Variants in MAPRE2 observed in about 807,000 individuals in gnomAD.
MAPRE2 encodes the protein microtubule associated protein RP/EB family member 2, also known as microtubule-associated protein RP/EB family member 2.
Under a neutral mutation model 43.2 loss-of-function variants are expected in MAPRE2, and 13 were observed. The observed-to-expected ratio is 0.30, with a 90% CI of 0.20 to 0.48. The LOEUF (loss-of-function observed/expected upper bound fraction) is 0.48. MAPRE2 is among the 20% of genes least tolerant of loss of function. The pLI, the probability that MAPRE2 is intolerant of heterozygous loss-of-function variation, is 0.99. For synonymous variants in MAPRE2, 135 were observed against 148.8 expected, an observed-to-expected ratio of 0.91 and a Z score of 0.68; for missense variants, 161 against 400.2, an observed-to-expected ratio of 0.40 and a Z score of 5.10.
intron 1 of MAPRE2, among the ~76,000 whole-genome samples, chr18:35,057,346 G>A (rs1047885957): frequency 6.6e-6 from 1 of 152,064 alleles, no homozygotes; most frequent in East Asian, 1.9e-4. Flanking sequence ...TTCAAACATG[G>A]CACAATTTTT....
At chr18:35,013,029 T>A (rs1220949543) in intron 2 of MAPRE2, among the ~76,000 whole-genome samples, 1 of 152,034 alleles carries the variant, frequency 6.6e-6, no homozygotes, top group Non-Finnish European at 1.5e-5. Flanking sequence ...AATAGCAGGG[T>A]CAGGAAATCC....
At chr18:35,079,033 A>C (rs1603398627) in intron 2 of MAPRE2, among the ~76,000 whole-genome samples, 1 of 152,134 alleles carries the variant, frequency 6.6e-6, no homozygotes, top group Non-Finnish European at 1.5e-5. Flanking sequence ...AAATTTTGCC[A>C]CCTGCCATGG....
At chr18:34,989,529 G>A (rs1265145862) in intron 1 of MAPRE2, among the ~76,000 whole-genome samples, 2 of 152,142 alleles carry the variant, frequency 1.3e-5, no homozygotes, top group Admixed American at 6.6e-5. Flanking sequence ...GGGCAACATA[G>A]TGAGACCCTA....
At position 35,141,522 on chromosome 18, in the gene MAPRE2, G is replaced by A. The variant is rs1037400361; in HGVS notation, c.*1153G>A. ...AAAGAATTTTCCCTCTTTAACACAA[G>A]GGCCCTCCTTGTCATTGACCTTAGC... On this transcript the variant is annotated 3_prime_UTR_variant, in exon 7 of 7. Transcript: ENST00000300249. 4 of 152,134 alleles carry A rather than the reference G, an allele frequency of 2.6e-5. No individual in the cohort carries two copies. The highest frequency in any genetic ancestry group is 4.8e-5 in the African/African-American group (2 of 41,428). The allele number at this position is 152,134 out of a possible 1,614,324, so 9.4% of individuals were successfully genotyped here. A position where few individuals can be genotyped will look rare whatever the true frequency, so the allele number is the denominator to read the frequency against.
chr18:34,986,657 A>T (rs961777969), intron 1 of MAPRE2, among the ~76,000 whole-genome samples: 1 of 152,154 alleles, frequency 6.6e-6, no homozygotes, highest in African/African-American at 2.4e-5. Flanking sequence ...ATCCAGAAGC[A>T]ATTCCCTCTA....
intron 6 of MAPRE2, among the ~76,000 whole-genome samples, chr18:35,133,346 G>A (rs555861384): frequency 1.3e-5 from 2 of 152,026 alleles, no homozygotes; most frequent in Non-Finnish European, 2.9e-5. Flanking sequence ...AATCCACCTG[G>A]TTTCCATGAT....
chr18:35,133,295 T>G (rs1910245226), intron 6 of MAPRE2, among the ~76,000 whole-genome samples: 1 of 152,174 alleles, frequency 6.6e-6, no homozygotes, highest in African/African-American at 2.4e-5. Context: ...TGATTTAAAT[T>G]ATTTATTGGT....
At chr18:34,979,968 T>C (rs2097015194) in intron 1 of MAPRE2, among the ~76,000 whole-genome samples, 1 of 152,004 alleles carries the variant, frequency 6.6e-6, no homozygotes, top group African/African-American at 2.4e-5. Context: ...CTCTGCACTG[T>C]TGTCTAAATG....
chr18:35,097,314 T>G, intron 2 of MAPRE2, 132 bp from the exon 3 acceptor site: 1 of 761,894 alleles, frequency 1.3e-6, no homozygotes, highest in South Asian at 2.0e-5. Flanking sequence ...TATAAGCGCA[T>G]TGGTAAGAAG....
intron 1 of MAPRE2, among the ~76,000 whole-genome samples, chr18:34,981,814 T>G (rs1351814868): frequency 6.6e-6 from 1 of 152,150 alleles, no homozygotes; most frequent in African/African-American, 2.4e-5. Flanking sequence ...TCCTTTCTCC[T>G]TAAAAAGTAG....
chr18:34,980,023 CTTTTTTTCT>C (rs1213134516), intron 1 of MAPRE2, among the ~76,000 whole-genome samples: 5 of 132,500 alleles, frequency 3.8e-5, no homozygotes, highest in African/African-American at 1.5e-4. Context: ...TTTTCTTTTT[CTTTTTTTCT>C]TTTTTTTTTT....
intron 1 of MAPRE2, among the ~76,000 whole-genome samples, chr18:34,992,662 A>G (rs1477826007): frequency 6.6e-6 from 1 of 152,242 alleles, no homozygotes; most frequent in East Asian, 1.9e-4. Flanking sequence ...CATAAATTAC[A>G]TTTTAAACGT....
At chr18:35,055,537 C>CTCTCTGTGTGTG (rs1555914066) in intron 1 of MAPRE2, among the ~76,000 whole-genome samples, 1 of 146,594 alleles carries the variant, frequency 6.8e-6, no homozygotes, top group Admixed American at 6.7e-5. Flanking sequence ...ATTCAGTTCT[C>CTCTCTGTGTGTG]TGTGTGTGTG....
At chr18:34,992,410 T>C (rs527713166) in intron 1 of MAPRE2, among the ~76,000 whole-genome samples, 2 of 152,226 alleles carry the variant, frequency 1.3e-5, no homozygotes, top group Non-Finnish European at 2.9e-5. Context: ...TAAGTTAATT[T>C]GAACTGATTG....
chr18:35,112,772 G>A (rs1291324847), intron 4 of MAPRE2, among the ~76,000 whole-genome samples: 1 of 152,156 alleles, frequency 6.6e-6, no homozygotes, highest in African/African-American at 2.4e-5. Flanking sequence ...AACTGAAACT[G>A]CATTTCCCTA....
upstream of MAPRE2, among the ~76,000 whole-genome samples, chr18:35,040,647 G>A (rs1156400329): frequency 6.6e-6 from 1 of 152,200 alleles, no homozygotes; most frequent in Admixed American, 6.5e-5. Flanking sequence ...AATTCAAATG[G>A]AAATAGAATA....
chr18:35,009,638 A>G (rs1395981526), intron 2 of MAPRE2, among the ~76,000 whole-genome samples: 1 of 152,212 alleles, frequency 6.6e-6, no homozygotes, highest in Non-Finnish European at 1.5e-5. Flanking sequence ...GTTGGCCTGC[A>G]TTGACAGTCC....
At chr18:35,106,479 C>T (rs934463295) in intron 4 of MAPRE2, among the ~76,000 whole-genome samples, 2 of 152,028 alleles carry the variant, frequency 1.3e-5, no homozygotes, top group African/African-American at 2.4e-5. Context: ...TGAAAGGACT[C>T]AGTCTACATT....
chr18:35,063,111 G>GT lies in MAPRE2; in HGVS notation c.123-7074dup, dbSNP rs769830270. 1.5e-3 allele frequency among the ~76,000 whole-genome samples: 223 copies of GT among 148,666 alleles called. 1 individual carries two copies. The East Asian group carries it at 0.024, about 16-fold the overall frequency. On this transcript the variant is annotated intron_variant, in intron 1 of 6. Transcript: ENST00000300249. ...TTGAACTTTCAGAACTTTTGTTGTT[G>GT]TTTTTTTTTTGAGATGGAGTCTCAC...
Sources: allele counts gnomAD v4.1 joint callset (sites outside exome capture counted in the v4.1 genomes callset), GRCh38; gene constraint gnomAD v4.1.1; transcripts MANE v1.5; gene names NCBI Gene and HGNC (gene_info 2026-07-23, HGNC 2026-07-21).